CHD4: variants seen among roughly 807,000 people sequenced by gnomAD.
CHD4 encodes chromodomain helicase DNA binding protein 4, also known as ATP-dependent chromatin remodeler CHD4.
CHD4 carries 35 observed loss-of-function variants against 235.5 expected under a neutral mutation model. The ratio of observed to expected loss-of-function variants is 0.15; its 90% CI spans 0.11 to 0.20. The LOEUF (loss-of-function observed/expected upper bound fraction) is 0.20. Ranked by LOEUF, CHD4 falls within the 10% of genes least tolerant of loss-of-function variation. CHD4 has a pLI of 1.00. For synonymous variants in CHD4, 900 were observed against 850.2 expected (o/e 1.06, Z -1.02); for missense variants, 1,329 against 2,432.3 (o/e 0.55, Z 9.54).
chr12:6,600,539 T>C lies in CHD4; in HGVS notation c.1058A>G (p.Lys353Arg). The C allele has an allele frequency of 1.9e-6, 3 of 1,604,708 alleles. No homozygotes were observed. Among genetic ancestry groups the C allele is most frequent in the Non-Finnish European group, 2.6e-6 (3 of 1,174,326 alleles). ...TATACAGAAGAGAAACACACCTTTC[T>C]TTTTCTTTTTAGTGGTTCGGAGTTT... ...RKKLRTTKKK[K>R]KGEEEVTAVD... The change falls in exon 8 of 40, where the codon AAG becomes AGG. Residue 353 changes from lysine (K) to arginine (R), a missense_variant. Transcript: ENST00000544040.
Position 6,591,783 on chromosome 12 carries a change from G to A in CHD4, c.3133C>T (p.Leu1045=). The change falls in exon 21 of 40, where the codon CTA becomes TTA. Residue 1045 remains leucine (L), a synonymous_variant. Transcript: ENST00000544040. ...AATAATTTCCCAGATGCTCTGATTAGGGCACTGCCATCATACATGCCATTA... is the reference window on the plus strand; with the variant it reads ...AATAATTTCCCAGATGCTCTGATTAAGGCACTGCCATCATACATGCCATTA... ...MPNGMYDGSA[L]IRASGKLLLL... The A allele has an allele frequency of 3.1e-6, 5 of 1,614,188 alleles. No homozygotes were observed. Among genetic ancestry groups the A allele is most frequent in the South Asian group, 1.1e-5 (1 of 91,086 alleles).
chr12:6,602,523 A>G, intron 2 of CHD4, 26 bp from the exon 3 acceptor site: 3 of 1,607,690 alleles, frequency 1.9e-6, no homozygotes, highest in Non-Finnish European at 1.7e-6. Context: ...AAAGAGTGGT[A>G]GGCAGGGAAA....
chr12:6,573,451 T>G (rs1187224086), intron 37 of CHD4, 182 bp from the exon 38 acceptor site: 1 of 405,202 alleles, frequency 2.5e-6, no homozygotes, highest in Non-Finnish European at 4.3e-6. Flanking sequence ...TTTCTTTCCC[T>G]TTTTCAATGT....
At chr12:6,606,205 A>G in intron 2 of CHD4, 69 bp downstream of exon 2, 2 of 1,066,654 alleles carry the variant, frequency 1.9e-6, no homozygotes, top group Non-Finnish European at 2.8e-6. Context: ...GCCCTGCCTC[A>G]CCAGAGGAGT....
intron 7 of CHD4, 52 bp downstream of exon 7, chr12:6,600,874 T>C (rs957407750): frequency 6.5e-7 from 1 of 1,531,042 alleles, no homozygotes. Flanking sequence ...GAAGGTCACA[T>C]CCTTTCTATT....
In CHD4 at chr12:6,570,460, TG is replaced by T. The variant is rs1947943983; in HGVS notation, c.*215del. On this transcript the variant is annotated 3_prime_UTR_variant, in exon 40 of 40. Coordinates refer to ENST00000544040, the MANE Select transcript of CHD4 (RefSeq NM_001273.5). ...AGGCCAGCCCGCCAGCTCCTGCAGA[TG>T]GCGCCAGCGCTACTGCTGCATGTCT... 1.7e-6 allele frequency: 1 copy of T among 590,262 alleles called. No individual in the cohort carries two copies. Among genetic ancestry groups the T allele is most frequent in the South Asian group, 2.2e-5 (1 of 45,318 alleles). The allele number at this position is 590,262 out of a possible 1,614,324, so 36.6% of individuals were successfully genotyped here. A position where few individuals can be genotyped will look rare whatever the true frequency, so the allele number is the denominator to read the frequency against.
chr12:6,598,273 C>T lies in CHD4; in HGVS notation c.1635G>A (p.Val545=), dbSNP rs1948532869. 8 of 1,614,040 alleles carry T rather than the reference C, an allele frequency of 5.0e-6. No homozygotes were observed. The highest frequency in any genetic ancestry group is 1.6e-4 in the Middle Eastern group (1 of 6,062). ...LEGRPERQFF[V]KWQGMSYWHC... The stretch of plus-strand genomic sequence containing the variant: ...GCCAGTAAGACATGCCTTGCCATTT[C>T]ACAAAGAACTGCCGCTCTGGCCGCC... The change falls in exon 11 of 40, where the codon GTG becomes GTA. Residue 545 remains valine (V), a synonymous_variant. Coordinates refer to ENST00000544040, the MANE Select transcript of CHD4 (RefSeq NM_001273.5).
intron 12 of CHD4, among the ~76,000 whole-genome samples, chr12:6,596,486 TAAA>T (rs765949049): frequency 9.1e-6 from 1 of 109,300 alleles, no homozygotes; most frequent in Non-Finnish European, 1.9e-5. Context: ...CCGTCTCTAC[TAAA>T]AAAAAAAAAA....
chr12:6,602,699 T>G (rs1948618798), intron 2 of CHD4, among the ~76,000 whole-genome samples: 1 of 152,214 alleles, frequency 6.6e-6, no homozygotes, highest in Non-Finnish European at 1.5e-5. Flanking sequence ...GAAATAGGCC[T>G]GCCAGGCCAG....
chr12:6,576,098 C>T (rs558047390), intron 37 of CHD4, among the ~76,000 whole-genome samples: 2 of 152,052 alleles, frequency 1.3e-5, no homozygotes, highest in African/African-American at 2.4e-5. Context: ...GTGGCTCACG[C>T]CTGTTATCTC....
At chr12:6,586,503 C>T (rs1471105404) in intron 25 of CHD4, among the ~76,000 whole-genome samples, 3 of 152,034 alleles carry the variant, frequency 2.0e-5, no homozygotes, top group Non-Finnish European at 4.4e-5. Context: ...GGCAGGAGAA[C>T]TGCTTAAGGC....
chr12:6,598,665 T>C (rs1268129888), intron 10 of CHD4, among the ~76,000 whole-genome samples: 2 of 152,056 alleles, frequency 1.3e-5, no homozygotes, highest in Admixed American at 6.5e-5. Flanking sequence ...AAAAATTAGC[T>C]GGGCGTGGTG....
At chr12:6,574,870 C>T (rs1419566327) in intron 37 of CHD4, among the ~76,000 whole-genome samples, 2 of 152,188 alleles carry the variant, frequency 1.3e-5, no homozygotes, top group Admixed American at 6.5e-5. Flanking sequence ...AAGCTACAGC[C>T]TGTGGGCCAG....
intron 37 of CHD4, among the ~76,000 whole-genome samples, chr12:6,576,049 CTTTTTTT>C (rs35630388): frequency 6.9e-6 from 1 of 145,964 alleles, no homozygotes. Flanking sequence ...CTCTCGAGAA[CTTTTTTT>C]TTTTTTTAAG....
At chr12:6,606,110 C>G (rs1948691361) in intron 2 of CHD4, among the ~76,000 whole-genome samples, 164 bp downstream of exon 2, 1 of 152,250 alleles carries the variant, frequency 6.6e-6, no homozygotes, top group Non-Finnish European at 1.5e-5. Context: ...TTCCACCCCC[C>G]TCACACCAGA....
chr12:6,580,727 A>AAG (rs1555163920), intron 33 of CHD4: 87 of 244,564 alleles, frequency 3.6e-4, no homozygotes, highest in African/African-American at 2.4e-3. Context: ...AAAAAAAAAA[A>AAG]GCCAGGCACA....
intron 37 of CHD4, 90 bp from the exon 38 acceptor site, chr12:6,573,359 C>T: frequency 9.1e-7 from 1 of 1,101,858 alleles, no homozygotes; most frequent in East Asian, 3.0e-5. Flanking sequence ...CTCATTGTTT[C>T]AGATGGTAAT....
Position 6,596,120 on chromosome 12 carries a change from T to C in CHD4, c.1910A>G (p.His637Arg). The C allele has an allele frequency of 1.2e-6, 2 of 1,613,948 alleles. No homozygotes were observed. Among genetic ancestry groups the C allele is most frequent in the Non-Finnish European group, 1.7e-6 (2 of 1,179,918 alleles). ...ILNHSVDKKG[H>R]VHYLIKWRDL... The stretch of plus-strand genomic sequence containing the variant: ...CCGCCACTTGATCAAGTAGTGGACG[T>C]GGCCCTTCTTGTCCACACTGCAAGT... Residue 637 changes from histidine to arginine, a missense_variant, in exon 13 of 40, where the codon CAC becomes CGC. By Grantham distance (29) the His-to-Arg change is conservative. This residue lies in a region of CHD4 where 121 missense variants were observed against 177.8 expected (regional missense o/e 0.68). Coordinates refer to ENST00000544040, the MANE Select transcript of CHD4 (RefSeq NM_001273.5).
In CHD4 at chr12:6,582,953, A is replaced by G. The variant is rs746525996; in HGVS notation, c.4148-17T>C. ...TACGGGGAGCTGCAAGAAGAAAAAG[A>G]TGAATGAGTGACACAGGTAGGATAT... On this transcript the variant is annotated splice_polypyrimidine_tract_variant and intron_variant, in intron 27 of 39. Coordinates refer to ENST00000544040, the MANE Select transcript of CHD4 (RefSeq NM_001273.5). The G allele has an allele frequency of 2.5e-6, 4 of 1,612,712 alleles. No homozygotes were observed. In the African/African-American group the frequency reaches 5.3e-5, roughly 22 times the overall value.
Sources: allele counts gnomAD v4.1 joint callset (sites outside exome capture counted in the v4.1 genomes callset), GRCh38; gene constraint gnomAD v4.1.1; regional missense constraint gnomAD v4.1.1; transcripts MANE v1.5; gene names NCBI Gene and HGNC (gene_info 2026-07-23, HGNC 2026-07-21).